The following ADGRL2 variants were observed in gnomAD, a reference collection of about 807,000 sequenced individuals.
ADGRL2 encodes the protein adhesion G protein-coupled receptor L2.
Under a neutral mutation model 157.4 loss-of-function variants are expected in ADGRL2, and 44 were observed. The observed-to-expected ratio is 0.28, with a 90% CI of 0.22 to 0.36. ADGRL2 has a LOEUF of 0.36. Among genes scored for constraint, ADGRL2 ranks in the 10% least tolerant of loss-of-function variants. The pLI is 1.00. For synonymous variants in ADGRL2, 585 were observed against 624.7 expected (o/e 0.94, Z 0.95); for missense variants, 1,510 against 1,768.9 (o/e 0.85, Z 2.63).
chr1:81,783,076 T>C (rs1258565963), intron 2 of ADGRL2, among the ~76,000 whole-genome samples: 1 of 152,220 alleles, frequency 6.6e-6, no homozygotes, highest in East Asian at 1.9e-4. Flanking sequence ...TAAGGGCTTA[T>C]GTCCAGCATG....
chr1:81,469,958 A>G (rs760074414), intron 2 of ADGRL2, among the ~76,000 whole-genome samples: 9 of 152,202 alleles, frequency 5.9e-5, no homozygotes, highest in Non-Finnish European at 8.8e-5. Flanking sequence ...CTGTGGACTG[A>G]TAGCCATGCT....
Position 81,933,781 on chromosome 1 carries a change from G to A in ADGRL2, c.288-2947G>A, listed in dbSNP as rs75565726. The stretch of plus-strand genomic sequence containing the variant: ...CCTTTATAAAGGAATATAAATGTCT[G>A]TATTTCTATTTCTGTAATTTGGGCC... On this transcript the variant is annotated intron_variant, in intron 3 of 23. Coordinates refer to ENST00000686636, the MANE Select transcript of ADGRL2 (RefSeq NM_001366006.2). 7.0e-3 allele frequency among the ~76,000 whole-genome samples: 1,060 copies of A among 152,074 alleles called. 10 individuals are homozygous for A. Among genetic ancestry groups the A allele is most frequent in the Admixed American group, 0.012 (177 of 15,256 alleles).
intron 3 of ADGRL2, among the ~76,000 whole-genome samples, chr1:81,659,190 T>C (rs2148872758): frequency 6.6e-6 from 1 of 150,632 alleles, no homozygotes; most frequent in South Asian, 2.1e-4. Flanking sequence ...GCTTCCCAAG[T>C]AAGTGGGATT....
intron 3 of ADGRL2, among the ~76,000 whole-genome samples, chr1:81,640,925 C>A (rs576705657): frequency 2.0e-5 from 3 of 152,178 alleles, no homozygotes; most frequent in African/African-American, 7.2e-5. Flanking sequence ...AGGAAGTAAC[C>A]TGATGTTAAC....
chr1:81,834,941 A>T (rs2092188103), intron 1 of ADGRL2, among the ~76,000 whole-genome samples: 1 of 152,136 alleles, frequency 6.6e-6, no homozygotes, highest in Admixed American at 6.6e-5. Context: ...CAAAGACCAC[A>T]ATAGAGGTCT....
At chr1:81,576,818 TAA>T (rs1317219100) in intron 2 of ADGRL2, among the ~76,000 whole-genome samples, 1 of 152,190 alleles carries the variant, frequency 6.6e-6, no homozygotes, top group Non-Finnish European at 1.5e-5. Context: ...ACTTGTTGCA[TAA>T]GTTTTATGAG....
At chr1:81,653,767 G>T (rs1038377906) in intron 3 of ADGRL2, among the ~76,000 whole-genome samples, 7 of 152,144 alleles carry the variant, frequency 4.6e-5, no homozygotes, top group African/African-American at 1.7e-4. Context: ...GAGAAAAAAA[G>T]TTTAGATATG....
intron 1 of ADGRL2, among the ~76,000 whole-genome samples, chr1:81,430,460 T>C (rs2077299646): frequency 6.6e-6 from 1 of 152,168 alleles, no homozygotes; most frequent in South Asian, 2.1e-4. Flanking sequence ...GGGATTGACC[T>C]GGTGCTAAGG....
chr1:81,691,327 CT>C (rs35147386), intron 3 of ADGRL2, among the ~76,000 whole-genome samples: 62 of 61,082 alleles, frequency 1.0e-3, no homozygotes, highest in East Asian at 1.4e-3. Flanking sequence ...TGCTTGTTTT[CT>C]TTTTTTTTTT....
At chr1:81,339,279 A>G (rs1472984817) in intron 1 of ADGRL2, among the ~76,000 whole-genome samples, 1 of 152,200 alleles carries the variant, frequency 6.6e-6, no homozygotes, top group Non-Finnish European at 1.5e-5. Flanking sequence ...GTTAGAATTA[A>G]TTAATTAATA....
chr1:81,319,814 G>T (rs151030902), intron 1 of ADGRL2, among the ~76,000 whole-genome samples: 3 of 152,176 alleles, frequency 2.0e-5, no homozygotes, highest in Non-Finnish European at 2.9e-5. Flanking sequence ...TTTTGCTGGT[G>T]CAGGGTCTTG....
chr1:81,403,261 GTTTGTTTT>G (rs2076792139), intron 1 of ADGRL2, among the ~76,000 whole-genome samples: 4 of 125,262 alleles, frequency 3.2e-5, no homozygotes, highest in Non-Finnish European at 7.5e-5. Flanking sequence ...TTGTTTGTTT[GTTTGTTTT>G]GTTTTTTGTT....
intron 2 of ADGRL2, among the ~76,000 whole-genome samples, chr1:81,525,363 G>A (rs1470630021): frequency 6.6e-6 from 1 of 152,122 alleles, no homozygotes; most frequent in African/African-American, 2.4e-5. Flanking sequence ...TGTCCCCGAG[G>A]CTGGAGTGCA....
At position 81,993,079 on chromosome 1, in the gene ADGRL2, ATATATATAT is replaced by A. The variant is rs1231561998; in HGVS notation, c.*1936_*1944del. 1.8e-3 allele frequency among the ~76,000 whole-genome samples: 49 copies of A among 27,518 alleles called. No individual in the cohort carries two copies. The highest frequency in any genetic ancestry group is 8.0e-3 in the African/African-American group (47 of 5,888). 18.1% of individuals were successfully genotyped at this position (27,518 alleles called of 152,430 possible). A position where few individuals can be genotyped will look rare whatever the true frequency, so the allele number is the denominator to read the frequency against. On this transcript the variant is annotated 3_prime_UTR_variant, in exon 24 of 24. Coordinates refer to ENST00000686636, the MANE Select transcript of ADGRL2 (RefSeq NM_001366006.2). ...TATACATATATATATATATATATAT[ATATATATAT>A]TTTTTTTTTTTTTTTTTTTTTTTTT...
At chr1:81,987,178 C>A in intron 22 of ADGRL2, 149 bp downstream of exon 22, 2 of 1,299,202 alleles carry the variant, frequency 1.5e-6, no homozygotes, top group Non-Finnish European at 2.1e-6. Context: ...TTGTCTATGC[C>A]AGGCTTCTAA....
At chr1:81,749,670 A>C (rs1419313380) in intron 1 of ADGRL2, among the ~76,000 whole-genome samples, 1 of 152,224 alleles carries the variant, frequency 6.6e-6, no homozygotes, top group African/African-American at 2.4e-5. Context: ...TAATTGAATA[A>C]AACTATGCTT....
At chr1:81,769,540 TC>T (rs1265542000) in intron 2 of ADGRL2, among the ~76,000 whole-genome samples, 2 of 151,892 alleles carry the variant, frequency 1.3e-5, no homozygotes, top group African/African-American at 2.4e-5. Context: ...ATTCTACTGG[TC>T]AATTTGTCTA....
chr1:81,594,238 A>T (rs548184485), intron 3 of ADGRL2, among the ~76,000 whole-genome samples: 1 of 152,304 alleles, frequency 6.6e-6, no homozygotes, highest in South Asian at 2.1e-4. Context: ...AATAGGAATC[A>T]AGCAACCATG....
intron 1 of ADGRL2, among the ~76,000 whole-genome samples, chr1:81,421,997 C>T (rs1315344178): frequency 6.6e-6 from 1 of 152,106 alleles, no homozygotes; most frequent in Non-Finnish European, 1.5e-5. Flanking sequence ...AATAGTATTA[C>T]TTACAGACTT....
Sources: gnomAD v4.1 joint callset for allele counts (sites outside exome capture counted in the v4.1 genomes callset) on GRCh38, gnomAD v4.1.1 for gene constraint, MANE v1.5 for transcripts, NCBI Gene and HGNC (gene_info 2026-07-23, HGNC 2026-07-21) for gene names.